SGCA: variants seen among roughly 807,000 people sequenced by gnomAD.
SGCA encodes the protein sarcoglycan alpha.
Under a neutral mutation model 38.1 loss-of-function variants are expected in SGCA, and 34 were observed. That is an observed-to-expected ratio of 0.89 (90% CI 0.68 to 1.19). The LOEUF is 1.19. Among genes scored for constraint, SGCA ranks in the 50% most tolerant of loss-of-function variants. The pLI, the probability that SGCA is intolerant of heterozygous loss-of-function variation, is 0.00. For synonymous variants in SGCA, 209 were observed against 214.6 expected, an observed-to-expected ratio of 0.97 and a Z score of 0.23; for missense variants, 476 against 524.9, an observed-to-expected ratio of 0.91 and a Z score of 0.91.
chr17:50,174,525 T>C (rs923650732), intron 8 of SGCA, among the ~76,000 whole-genome samples: 1 of 151,842 alleles, frequency 6.6e-6, no homozygotes. Flanking sequence ...TTTTTTTTTT[T>C]AAATAGAGAT....
chr17:50,167,249 C>A lies in SGCA; in HGVS notation c.38-119C>A. 7.0e-7 allele frequency: 1 copy of A among 1,433,978 alleles called. No individual in the cohort carries two copies. The highest frequency in any genetic ancestry group is 1.2e-5 in the South Asian group (1 of 82,638). The allele number at this position is 1,433,978 out of a possible 1,614,324, so 88.8% of individuals were successfully genotyped here. On this transcript the variant is annotated intron_variant, in intron 1 of 9. Transcript: ENST00000262018. This position sits in a 1 kb window ranked among gnomAD's most constrained non-coding sequence, Gnocchi z 4.5. Reference sequence around the variant, plus strand: ...ACCCCAATCCCTTCCTGGGAGGCAGCAAAGGAAGCGCTTCTCTCGGTCCCT... The same window carrying A: ...ACCCCAATCCCTTCCTGGGAGGCAGAAAAGGAAGCGCTTCTCTCGGTCCCT...
Position 50,175,275 on chromosome 17 carries a change from C to G in SGCA, c.1002C>G (p.His334Gln). 6.2e-7 allele frequency: 1 copy of G among 1,606,412 alleles called. No homozygotes were observed. Among genetic ancestry groups the G allele is most frequent in the South Asian group, 1.1e-5 (1 of 89,892 alleles). The change falls in exon 9 of 10, where the codon CAC becomes CAG. Residue 334 changes from histidine (H) to glutamine (Q), a missense_variant. Transcript: ENST00000262018. ...CCTCCAGCATCCAGATGGTCCACCA[C>G]TGCACCATCCACGGGAACACAGAGG... The part of the protein sequence containing the change: ...LATSDIQMVH[H>Q]CTIHGNTEEL...
chr17:50,174,905 G>A (rs1905800854), intron 8 of SGCA, among the ~76,000 whole-genome samples: 1 of 151,944 alleles, frequency 6.6e-6, no homozygotes, highest in African/African-American at 2.4e-5. Context: ...TGAATCTCCT[G>A]CCTCAGCCTC....
At position 50,175,365 on chromosome 17, in the gene SGCA, T is replaced by C; in HGVS notation, c.1092T>C (p.Asn364=). The C allele has an allele frequency of 1.2e-6, 2 of 1,612,978 alleles. No homozygotes were observed. The highest frequency in any genetic ancestry group is 1.3e-5 in the African/African-American group (1 of 75,080). Residue 364 remains asparagine (N), a synonymous_variant, in exon 9 of 10, where the codon AAT becomes AAC. Transcript: ENST00000262018. ...CACTCTCCACCCTGCCCATGTTCAA[T>C]GTGCACACAGGTGAGCGGCTGCCTC... ...PRPLSTLPMF[N]VHTGERLPPR...
chr17:50,171,695 A>G, intron 8 of SGCA: 1 of 456,764 alleles, frequency 2.2e-6, no homozygotes, highest in South Asian at 1.5e-5. Context: ...AGGGTGAAGG[A>G]GCCTGAGGCC....
In SGCA at chr17:50,166,061, G is replaced by C; in HGVS notation, c.21G>C (p.Trp7Cys). 4 of 1,613,830 alleles carry C rather than the reference G, an allele frequency of 2.5e-6. No individual in the cohort carries two copies. The highest frequency in any genetic ancestry group is 3.4e-6 in the Non-Finnish European group (4 of 1,179,746). Residue 7 changes from tryptophan (W) to cysteine (C), a missense_variant, in exon 1 of 10, where the codon TGG becomes TGC. Trp to Cys is a radical substitution (Grantham distance 215). Coordinates refer to ENST00000262018, the MANE Select transcript of SGCA (RefSeq NM_000023.4). Reference sequence around the variant, plus strand: ...CAGCCATGGCTGAGACACTCTTCTGGACTCCTCTCCTCGTGGGCAAGTTGG... The same window carrying C: ...CAGCCATGGCTGAGACACTCTTCTGCACTCCTCTCCTCGTGGGCAAGTTGG... MAETLF[W>C]TPLLVVLLAG...
chr17:50,175,392 C>T lies in SGCA; in HGVS notation c.1119C>T (p.Pro373=), dbSNP rs1905853639. The change falls in exon 9 of 10, where the codon CCC becomes CCT. Residue 373 remains proline, a synonymous_variant. Coordinates refer to ENST00000262018, the MANE Select transcript of SGCA (RefSeq NM_000023.4). ...TGCACACAGGTGAGCGGCTGCCTCCCCGCGTGGACAGCGCCCAGGTGCCCC... is the reference window on the plus strand; with the variant it reads ...TGCACACAGGTGAGCGGCTGCCTCCTCGCGTGGACAGCGCCCAGGTGCCCC... ...FNVHTGERLP[P]RVDSAQVPLI... is the part of the protein sequence containing the mutation. The T allele has an allele frequency of 1.9e-6, 3 of 1,613,164 alleles. No homozygotes were observed. The highest frequency in any genetic ancestry group is 1.7e-6 in the Non-Finnish European group (2 of 1,180,028).
chr17:50,168,697 C>G, intron 5 of SGCA, 125 bp downstream of exon 5: 1 of 812,518 alleles, frequency 1.2e-6, no homozygotes, highest in South Asian at 1.5e-5. Context: ...CCCAGCTTCA[C>G]ACCCCTCACC....
chr17:50,170,808 C>T, intron 8 of SGCA, 142 bp downstream of exon 8: 1 of 765,904 alleles, frequency 1.3e-6, no homozygotes. Context: ...CTCTGTAATC[C>T]CAGCACTTTG....
At chr17:50,172,856 G>A (rs962800822) in intron 8 of SGCA, among the ~76,000 whole-genome samples, 98 of 152,306 alleles carry the variant, frequency 6.4e-4, no homozygotes, top group Middle Eastern at 3.4e-3. Context: ...TCTATACAAA[G>A]CAGTTAAAAG....
In SGCA at chr17:50,170,245, C is replaced by T. The variant is rs137852623; in HGVS notation, c.850C>T (p.Arg284Cys). Residue 284 changes from arginine to cysteine, a missense_variant, in exon 7 of 10, where the codon CGT becomes TGT. Transcript: ENST00000262018. Reference protein sequence around the residue: ...FFCPPTEAPDRDFLVDALVTL... With the variant: ...FFCPPTEAPDCDFLVDALVTL... ...CTGCCCACCCACTGAGGCCCCAGAC[C>T]GTGACTTCTTGGTGGATGCTCTGGT... is the stretch of plus-strand genomic sequence containing the variant. 9.8e-5 allele frequency: 158 copies of T among 1,614,186 alleles called. No individual in the cohort carries two copies. Among genetic ancestry groups the T allele is most frequent in the Middle Eastern group, 6.6e-4 (4 of 6,062 alleles).
intron 8 of SGCA, among the ~76,000 whole-genome samples, chr17:50,174,457 A>G (rs1191413552): frequency 6.6e-6 from 1 of 151,828 alleles, no homozygotes; most frequent in Non-Finnish European, 1.5e-5. Flanking sequence ...ACTGTTGTAA[A>G]CACTCAGCCA....
chr17:50,175,239 C>T lies in SGCA; in HGVS notation c.984-18C>T. The T allele has an allele frequency of 6.3e-7, 1 of 1,589,016 alleles. No homozygotes were observed. The highest frequency in any genetic ancestry group is 2.3e-5 in the East Asian group (1 of 44,050). ...CAGCTGACTCCCAGAGCTGATGACT[C>T]CCCACCTGTGCCTCCAGCATCCAGA... is the stretch of plus-strand genomic sequence containing the variant. On this transcript the variant is annotated intron_variant, in intron 8 of 9. Coordinates refer to ENST00000262018, the MANE Select transcript of SGCA (RefSeq NM_000023.4).
rs767928766 is a variant in SGCA at position 50,167,621 on chromosome 17, T to A, written c.197T>A (p.Leu66His). The change falls in exon 3 of 10, where the codon CTC (leucine) becomes CAC (histidine). Residue 66 changes from leucine to histidine, a missense_variant. Leu to His is a moderately conservative substitution (Grantham distance 99). Transcript: ENST00000262018. This position sits in a 1 kb window ranked among gnomAD's most constrained non-coding sequence, Gnocchi z 4.5. ...GTCCACATCACCTACCACGCCCACC[T>A]CCAGGGACACCCAGACCTGCCCCGG... ...PAVHITYHAH[L>H]QGHPDLPRWL... The A allele has an allele frequency of 5.6e-6, 9 of 1,613,614 alleles. No homozygotes were observed. In the South Asian group the frequency reaches 9.9e-5, roughly 18 times the overall value.
chr17:50,167,562 C>T lies in SGCA; in HGVS notation c.158-20C>T. Reference sequence around the variant, plus strand: ...AGGGCTCCTGCTGTGACTCGAATCCCCTCTCCTCGCTTCCACCAGCTGTCC... The same window carrying T: ...AGGGCTCCTGCTGTGACTCGAATCCTCTCTCCTCGCTTCCACCAGCTGTCC... On this transcript the variant is annotated intron_variant, in intron 2 of 9. Coordinates refer to ENST00000262018, the MANE Select transcript of SGCA (RefSeq NM_000023.4). The surrounding 1 kb of genome is among the most constrained non-coding windows in gnomAD (Gnocchi z 4.5). The T allele has an allele frequency of 6.2e-7, 1 of 1,613,680 alleles. No homozygotes were observed. Among genetic ancestry groups the T allele is most frequent in the Non-Finnish European group, 8.5e-7 (1 of 1,180,000 alleles).
rs117672945 is a variant in SGCA, at chr17:50,167,984, G to A, written c.350G>A (p.Arg117Gln). Residue 117 changes from arginine (R) to glutamine (Q), a missense_variant, in exon 4 of 10, where the codon CGG (arginine) becomes CAG (glutamine). Arg to Gln is a conservative substitution (Grantham distance 43). Coordinates refer to ENST00000262018, the MANE Select transcript of SGCA (RefSeq NM_000023.4). This position sits in a 1 kb window ranked among gnomAD's most constrained non-coding sequence, Gnocchi z 4.5. ...AATCGGGACAGCTTTGATACCACTCGGCAGAGGCTGGTGCTGGAGATTGGG... is the reference window on the plus strand; with the variant it reads ...AATCGGGACAGCTTTGATACCACTCAGCAGAGGCTGGTGCTGGAGATTGGG... ...AYNRDSFDTT[R>Q]QRLVLEIGDP... is the part of the protein sequence containing the mutation. The A allele has an allele frequency of 6.1e-5, 98 of 1,614,174 alleles. No homozygotes were observed. Among genetic ancestry groups the A allele is most frequent in the South Asian group, 2.7e-4 (25 of 91,082 alleles).
At position 50,170,297 on chromosome 17, in the gene SGCA, C is replaced by G; in HGVS notation, c.902C>G (p.Ala301Gly). 6.2e-7 allele frequency: 1 copy of G among 1,614,204 alleles called. No individual in the cohort carries two copies. The highest frequency in any genetic ancestry group is 8.5e-7 in the Non-Finnish European group (1 of 1,180,026). The change falls in exon 7 of 10, where the codon GCC becomes GGC. Residue 301 changes from alanine to glycine, a missense_variant. Coordinates refer to ENST00000262018, the MANE Select transcript of SGCA (RefSeq NM_000023.4). ...ACCCTCCTGGTGCCCCTGCTGGTGG[C>G]CCTGCTTCTCACCTTGCTGCTGGCC... ...LVTLLVPLLV[A>G]LLLTLLLAYV...
intron 8 of SGCA, chr17:50,172,049 T>G: frequency 2.2e-6 from 1 of 455,186 alleles, no homozygotes; most frequent in Non-Finnish European, 4.4e-6. Flanking sequence ...AGGTGAAGTG[T>G]CTTGGGTGCA....
chr17:50,173,742 C>T (rs879444751), intron 8 of SGCA, among the ~76,000 whole-genome samples: 7 of 152,162 alleles, frequency 4.6e-5, no homozygotes, highest in African/African-American at 7.2e-5. Flanking sequence ...TCGGACAACT[C>T]AGCTCACTGA....
Sources: gnomAD v4.1 joint callset for allele counts (sites outside exome capture counted in the v4.1 genomes callset) on GRCh38, gnomAD v4.1.1 for gene constraint, Gnocchi (gnomAD v3.1) non-coding constraint, MANE v1.5 for transcripts, NCBI Gene and HGNC (gene_info 2026-07-23, HGNC 2026-07-21) for gene names.